The following TTC17 variants were observed in gnomAD, a reference collection of about 807,000 sequenced individuals.
The protein encoded by TTC17 is tetratricopeptide repeat protein 17.
A neutral mutation model predicts 143.8 loss-of-function variants in TTC17; 58 were observed. That is an observed-to-expected ratio of 0.40 (90% confidence interval 0.33 to 0.50). The LOEUF (loss-of-function observed/expected upper bound fraction) is 0.50, where lower values mean the gene tolerates loss of function less well. Among genes scored for constraint, TTC17 ranks in the 20% least tolerant of loss-of-function variants. The pLI, the probability that TTC17 is intolerant of heterozygous loss-of-function variation, is 0.49. For synonymous variants in TTC17, 501 were observed against 497.8 expected, an observed-to-expected ratio of 1.01 and a Z score of -0.09; for missense variants, 1,273 against 1,392.5, an observed-to-expected ratio of 0.91 and a Z score of 1.37.
intron 9 of TTC17, 146 bp downstream of exon 9, chr11:43,400,194 G>C: frequency 1.1e-6 from 1 of 903,692 alleles, no homozygotes; most frequent in East Asian, 2.9e-5. Flanking sequence ...TCATCACTGT[G>C]GGTATACCAG....
At chr11:43,370,507 C>A (rs1336712358) in intron 1 of TTC17, 1 of 151,552 alleles carries the variant, frequency 6.6e-6, no homozygotes, top group Non-Finnish European at 1.5e-5. Context: ...CAAGATTCTT[C>A]CTCAGACCTA....
intron 21 of TTC17, 108 bp downstream of exon 21, chr11:43,451,373 T>A (rs1947654644): frequency 2.1e-6 from 2 of 935,278 alleles, no homozygotes; most frequent in Non-Finnish European, 3.3e-6. Context: ...TACTTAGCAC[T>A]TGGTGGCTAA....
chr11:43,397,493 T>TTC lies in TTC17; in HGVS notation c.918+2_918+3insTC. 6.2e-7 allele frequency: 1 copy of TTC among 1,606,068 alleles called. No homozygotes were observed. The highest frequency in any genetic ancestry group is 1.7e-5 in the Admixed American group (1 of 59,372). On this transcript the variant is annotated splice_region_variant and intron_variant, in intron 7 of 23. Transcript: ENST00000039989. Reference sequence around the variant, plus strand: ...TACACTTTGGGGAATATATATGCAGTAAGTACTACTCTTTGTTTCATGAGT... The same window carrying TTC: ...TACACTTTGGGGAATATATATGCAGTTCAAGTACTACTCTTTGTTTCATGAGT...
chr11:43,397,161 C>T, intron 6 of TTC17, 186 bp from the exon 7 acceptor site: 1 of 600,834 alleles, frequency 1.7e-6, no homozygotes, highest in East Asian at 2.8e-5. Context: ...GTCTGCAATA[C>T]CTTATTTTAG....
intron 21 of TTC17, among the ~76,000 whole-genome samples, chr11:43,471,818 A>G (rs977341779): frequency 1.3e-5 from 2 of 152,236 alleles, no homozygotes; most frequent in African/African-American, 4.8e-5. Flanking sequence ...ATTAAAGGAA[A>G]AGGAGTAATA....
intron 21 of TTC17, among the ~76,000 whole-genome samples, chr11:43,468,533 G>A (rs956374937): frequency 6.6e-6 from 1 of 152,074 alleles, no homozygotes; most frequent in African/African-American, 2.4e-5. Context: ...AAGCAATAAA[G>A]CTACCAGAGC....
intron 21 of TTC17, among the ~76,000 whole-genome samples, chr11:43,470,193 C>G (rs563543726): frequency 6.6e-6 from 1 of 152,228 alleles, no homozygotes; most frequent in African/African-American, 2.4e-5. Flanking sequence ...AGTCCTAGGA[C>G]CAGTTAGACA....
intron 23 of TTC17, 151 bp from the exon 24 acceptor site, chr11:43,493,622 C>G: frequency 8.4e-7 from 1 of 1,190,786 alleles, no homozygotes; most frequent in East Asian, 2.5e-5. Context: ...CCCAGAGGAA[C>G]CTCAGAGTTT....
chr11:43,384,928 C>G (rs72900914), intron 2 of TTC17, among the ~76,000 whole-genome samples: 11,098 of 152,198 alleles, frequency 0.073, 575 homozygotes, highest in Middle Eastern at 0.17. Context: ...GGGCCTGTCT[C>G]AGGCAAAATA....
Position 43,382,241 on chromosome 11 carries a change from C to T in TTC17, c.249+2919C>T, listed in dbSNP as rs561167994. On this transcript the variant is annotated intron_variant, in intron 2 of 23. Coordinates refer to ENST00000039989, the MANE Select transcript of TTC17 (RefSeq NM_018259.6). ...TAATTTCTGACATACAAAAGCAGTA[C>T]TAACCACAGACCCTCACTTCAGCTG... Among the ~76,000 whole-genome samples the T allele has an allele frequency of 1.1e-3, 168 of 152,278 alleles. 3 individuals carry two copies. The South Asian group carries it at 0.033, about 30-fold the overall frequency.
At chr11:43,426,614 C>G (rs946421649) in intron 16 of TTC17, among the ~76,000 whole-genome samples, 2 of 152,164 alleles carry the variant, frequency 1.3e-5, no homozygotes, top group Non-Finnish European at 2.9e-5. Flanking sequence ...GTTTGAATAT[C>G]ATACTTGCTA....
At chr11:43,410,828 G>A (rs975688024) in intron 15 of TTC17, among the ~76,000 whole-genome samples, 1 of 152,098 alleles carries the variant, frequency 6.6e-6, no homozygotes, top group African/African-American at 2.4e-5. Context: ...AAACTTAGGG[G>A]CTTCCTTCAT....
At chr11:43,433,449 C>T (rs1447126766) in intron 16 of TTC17, among the ~76,000 whole-genome samples, 2 of 152,102 alleles carry the variant, frequency 1.3e-5, no homozygotes, top group Non-Finnish European at 2.9e-5. Context: ...TCCTCCTGTT[C>T]TCCTCCCGAT....
At chr11:43,429,518 G>T (rs985310916) in intron 16 of TTC17, among the ~76,000 whole-genome samples, 1 of 152,104 alleles carries the variant, frequency 6.6e-6, no homozygotes, top group African/African-American at 2.4e-5. Context: ...AAGTAATTTT[G>T]TATAACAGTG....
At chr11:43,380,729 T>C (rs1285518016) in intron 2 of TTC17, among the ~76,000 whole-genome samples, 2 of 152,222 alleles carry the variant, frequency 1.3e-5, no homozygotes, top group South Asian at 4.1e-4. Flanking sequence ...CTTTAGCACA[T>C]GGTAACCAGC....
chr11:43,421,291 C>T (rs1024309242), intron 16 of TTC17, among the ~76,000 whole-genome samples: 2 of 152,084 alleles, frequency 1.3e-5, no homozygotes, highest in African/African-American at 2.4e-5. Flanking sequence ...TGCAAATGTT[C>T]ATGTTAGGAA....
intron 1 of TTC17, among the ~76,000 whole-genome samples, chr11:43,359,674 A>G (rs915508627): frequency 5.9e-5 from 9 of 152,218 alleles, no homozygotes; most frequent in African/African-American, 2.2e-4. Flanking sequence ...GTGGCTCATT[A>G]GAAACAACAT....
chr11:43,396,877 C>A, intron 6 of TTC17, 59 bp downstream of exon 6: 4 of 1,024,074 alleles, frequency 3.9e-6, no homozygotes, highest in South Asian at 1.8e-5. Flanking sequence ...GTTAAAGAAA[C>A]AATACATAAG....
At chr11:43,446,053 C>T (rs1430499732) in intron 18 of TTC17, 6 of 1,521,672 alleles carry the variant, frequency 3.9e-6, no homozygotes, top group Non-Finnish European at 1.8e-6. Flanking sequence ...GGGCTTGAAG[C>T]CTTCCCATTG....
Sources: allele counts gnomAD v4.1 joint callset (sites outside exome capture counted in the v4.1 genomes callset), GRCh38; gene constraint gnomAD v4.1.1; transcripts MANE v1.5; gene names NCBI Gene and HGNC (gene_info 2026-07-23, HGNC 2026-07-21).